RGS6: variants seen among roughly 807,000 people sequenced by gnomAD.
The protein encoded by RGS6 is regulator of G protein signaling 6.
RGS6 carries 30 observed loss-of-function variants against 78.5 expected under a neutral mutation model. That is an observed-to-expected ratio of 0.38 (90% CI 0.29 to 0.52). The LOEUF is 0.52. RGS6 is among the 20% of genes least tolerant of loss of function. The pLI is 0.85. For missense variants in RGS6, 495 were observed against 609.7 expected (o/e 0.81, Z 1.98); for synonymous variants, 206 against 206.0 (o/e 1.00, Z 0.00).
chr14:72,519,636 C>T (rs2097003955), intron 15 of RGS6, among the ~76,000 whole-genome samples: 1 of 152,220 alleles, frequency 6.6e-6, no homozygotes, highest in Non-Finnish European at 1.5e-5. Context: ...CCATCAAATG[C>T]CTGTGCCAAT....
intron 2 of RGS6, among the ~76,000 whole-genome samples, chr14:72,071,329 AT>A (rs1315612210): frequency 6.6e-6 from 1 of 152,172 alleles, no homozygotes; most frequent in Non-Finnish European, 1.5e-5. Flanking sequence ...AATTTTTGCT[AT>A]TGGAGTTTTC....
At chr14:71,952,447 G>A (rs964598085) in intron 1 of RGS6, among the ~76,000 whole-genome samples, 14 of 151,736 alleles carry the variant, frequency 9.2e-5, no homozygotes, top group African/African-American at 3.4e-4. Flanking sequence ...TGCCTTGGGA[G>A]CTCTTCTTTT....
chr14:72,536,359 C>A, intron 16 of RGS6, 84 bp downstream of exon 16: 1 of 973,346 alleles, frequency 1.0e-6, no homozygotes, highest in Non-Finnish European at 1.7e-6. Context: ...AGAATATCAT[C>A]CCTTGGGTTT....
chr14:72,088,204 C>T (rs1360168877), intron 2 of RGS6, among the ~76,000 whole-genome samples: 24 of 152,154 alleles, frequency 1.6e-4, no homozygotes, highest in Admixed American at 6.5e-5. Flanking sequence ...TTAAATGGCA[C>T]GCTTTGCTCA....
In RGS6 at chr14:72,110,451, GGA is replaced by G. The variant is rs367711166; in HGVS notation, c.84+145580_84+145581del. On this transcript the variant is annotated intron_variant, in intron 2 of 17. Transcript: ENST00000553525. ...CCTCCCAACACATACACAGAAGAGA[GGA>G]GAGGAGAGAAGCATCCTAAATGCTT... 2.6e-3 allele frequency among the ~76,000 whole-genome samples: 403 copies of G among 152,266 alleles called. 1 individual carries two copies. Among genetic ancestry groups the G allele is most frequent in the African/African-American group, 9.0e-3 (373 of 41,560 alleles).
intron 2 of RGS6, among the ~76,000 whole-genome samples, chr14:72,309,916 T>A (rs1400228748): frequency 6.6e-6 from 1 of 152,246 alleles, no homozygotes; most frequent in Admixed American, 6.5e-5. Context: ...TTTGTCCCAA[T>A]CTTTATTTTA....
At chr14:72,070,132 TTC>T (rs141781751) in intron 2 of RGS6, among the ~76,000 whole-genome samples, 42 of 149,752 alleles carry the variant, frequency 2.8e-4, no homozygotes, top group Non-Finnish European at 2.4e-4. Flanking sequence ...TGTGCTTTAT[TTC>T]TCTCTCTCTC....
Position 71,981,598 on chromosome 14 carries a change from G to C in RGS6, c.84+16723G>C, listed in dbSNP as rs1393165816. Among the ~76,000 whole-genome samples the C allele has an allele frequency of 4.6e-5, 7 of 151,828 alleles. No individual in the cohort carries two copies. The East Asian group carries it at 1.4e-3, about 29-fold the overall frequency. ...GGGGTGCCTCCCAGTTAGGCTGCTC[G>C]GGGGTCAGGGGTCAGGGACCTACTT... On this transcript the variant is annotated intron_variant, in intron 2 of 17. Transcript: ENST00000553525.
chr14:72,056,527 T>TTA (rs1198770375), intron 2 of RGS6, among the ~76,000 whole-genome samples: 1 of 152,202 alleles, frequency 6.6e-6, no homozygotes, highest in African/African-American at 2.4e-5. Flanking sequence ...ATCAAATGTG[T>TTA]TATATTTTTG....
At chr14:72,335,670 C>A (rs1369102738) in intron 2 of RGS6, among the ~76,000 whole-genome samples, 1 of 152,062 alleles carries the variant, frequency 6.6e-6, no homozygotes, top group Non-Finnish European at 1.5e-5. Context: ...TTCCCTGGGC[C>A]ACAATGGAAG....
chr14:72,227,768 C>T (rs1046427932), intron 2 of RGS6, among the ~76,000 whole-genome samples: 1 of 151,990 alleles, frequency 6.6e-6, no homozygotes, highest in African/African-American at 2.4e-5. Flanking sequence ...TAAACTGTGG[C>T]ATATAACTGG....
intron 2 of RGS6, among the ~76,000 whole-genome samples, chr14:72,229,532 A>G (rs551461443): frequency 6.6e-6 from 1 of 152,268 alleles, no homozygotes; most frequent in South Asian, 2.1e-4. Flanking sequence ...GTTGTTAAAT[A>G]TATGGCAGGT....
intron 2 of RGS6, among the ~76,000 whole-genome samples, chr14:72,305,744 T>G (rs1319614511): frequency 6.6e-6 from 1 of 152,200 alleles, no homozygotes; most frequent in African/African-American, 2.4e-5. Context: ...TTAGACCAAT[T>G]CATAACCCTA....
intron 2 of RGS6, among the ~76,000 whole-genome samples, chr14:72,322,515 A>G (rs1250120427): frequency 6.6e-6 from 1 of 152,072 alleles, no homozygotes; most frequent in Non-Finnish European, 1.5e-5. Flanking sequence ...TATTATTTAA[A>G]CCAAGTGAAA....
intron 3 of RGS6, among the ~76,000 whole-genome samples, chr14:72,412,205 T>A (rs2093470426): frequency 6.6e-6 from 1 of 152,218 alleles, no homozygotes; most frequent in African/African-American, 2.4e-5. Context: ...CCTGGACTTT[T>A]TTTGGTTGGT....
At chr14:72,103,547 A>G (rs1267121517) in intron 2 of RGS6, among the ~76,000 whole-genome samples, 1 of 152,230 alleles carries the variant, frequency 6.6e-6, no homozygotes, top group Non-Finnish European at 1.5e-5. Context: ...GTATTTTTGT[A>G]TATGCAACAA....
intron 2 of RGS6, among the ~76,000 whole-genome samples, chr14:72,347,895 G>A (rs1486378420): frequency 2.0e-5 from 3 of 152,200 alleles, no homozygotes; most frequent in African/African-American, 7.2e-5. Flanking sequence ...AGGCAGAAAA[G>A]TGCAGAGTTT....
At chr14:72,495,867 T>C (rs1464416071) in intron 13 of RGS6, among the ~76,000 whole-genome samples, 1 of 152,204 alleles carries the variant, frequency 6.6e-6, no homozygotes, top group Non-Finnish European at 1.5e-5. Flanking sequence ...GGGAAGCCAC[T>C]GTGTTTACTT....
the RGS6 span, among the ~76,000 whole-genome samples, chr14:71,915,224 T>A: frequency 9.1e-3 from 1,369 of 150,922 alleles, 12 homozygotes; most frequent in Middle Eastern, 0.014. Flanking sequence ...GCCGCTGCAC[T>A]CCAACCTGGG....
Sources: allele counts gnomAD v4.1 joint callset (sites outside exome capture counted in the v4.1 genomes callset), GRCh38; gene constraint gnomAD v4.1.1; transcripts MANE v1.5; gene names NCBI Gene and HGNC (gene_info 2026-07-23, HGNC 2026-07-21).